SCFD2: variants seen among roughly 807,000 people sequenced by gnomAD.
SCFD2 encodes sec1 family domain-containing protein 2.
A neutral mutation model predicts 58.9 loss-of-function variants in SCFD2; 54 were observed. That is an observed-to-expected ratio of 0.92 (90% CI 0.74 to 1.15). The LOEUF (loss-of-function observed/expected upper bound fraction) is 1.15, where lower values mean the gene tolerates loss of function less well. Among genes scored for constraint, SCFD2 ranks in the 50% most tolerant of loss-of-function variants. SCFD2 has a pLI of 0.00. For synonymous variants in SCFD2, 321 were observed against 335.9 expected, an observed-to-expected ratio of 0.96 and a Z score of 0.49; for missense variants, 805 against 836.6, an observed-to-expected ratio of 0.96 and a Z score of 0.47.
intron 5 of SCFD2, among the ~76,000 whole-genome samples, chr4:53,069,582 A>G (rs776308639): frequency 6.6e-6 from 1 of 152,080 alleles, no homozygotes; most frequent in Non-Finnish European, 1.5e-5. Flanking sequence ...CTGTGGTGGA[A>G]AAAAGAAAGA....
At chr4:52,944,052 G>T (rs1720358495) in intron 5 of SCFD2, among the ~76,000 whole-genome samples, 1 of 152,138 alleles carries the variant, frequency 6.6e-6, no homozygotes, top group Non-Finnish European at 1.5e-5. Flanking sequence ...CAAGGATAAT[G>T]AGCACTAAAA....
At chr4:53,175,744 A>G (rs1429447697) in intron 4 of SCFD2, among the ~76,000 whole-genome samples, 6 of 152,328 alleles carry the variant, frequency 3.9e-5, no homozygotes, top group Non-Finnish European at 8.8e-5. Context: ...ACACTAGCAG[A>G]TAAGACAACT....
intron 5 of SCFD2, among the ~76,000 whole-genome samples, chr4:53,045,520 A>C (rs1723019111): frequency 6.6e-6 from 1 of 152,172 alleles, no homozygotes; most frequent in African/African-American, 2.4e-5. Flanking sequence ...CTATACAAAT[A>C]AATTTATAAA....
intron 5 of SCFD2, among the ~76,000 whole-genome samples, chr4:52,924,229 C>A (rs1482862283): frequency 6.6e-6 from 1 of 152,036 alleles, no homozygotes; most frequent in Non-Finnish European, 1.5e-5. Context: ...GAATCATCTA[C>A]TAGATTATAC....
rs193008086 is a variant in SCFD2, at chr4:53,168,773, C to T, written c.1312-23191G>A. Among the ~76,000 whole-genome samples, 261 of 152,276 alleles carry T rather than the reference C, an allele frequency of 1.7e-3. 1 individual carries two copies. Among genetic ancestry groups the T allele is most frequent in the African/African-American group, 6.0e-3 (248 of 41,568 alleles). On this transcript the variant is annotated intron_variant, in intron 4 of 8. Transcript: ENST00000401642. The stretch of plus-strand genomic sequence containing the variant: ...GGTGAGAACATTTGAAATTTACTCT[C>T]AGTAATTTTGAAATATATAGTATGT...
At chr4:53,215,556 G>C (rs535376515) in intron 4 of SCFD2, among the ~76,000 whole-genome samples, 2 of 152,214 alleles carry the variant, frequency 1.3e-5, no homozygotes, top group East Asian at 3.9e-4. Context: ...CTGAGATGAT[G>C]GGGTTTTCTA....
Position 53,230,599 on chromosome 4 carries a change from G to C in SCFD2, c.1311+43227C>G, listed in dbSNP as rs146661408. Among the ~76,000 whole-genome samples the C allele has an allele frequency of 9.7e-4, 128 of 132,518 alleles. 3 individuals are homozygous for C. The East Asian group carries it at 0.029, about 30-fold the overall frequency. The allele number at this position is 132,518 out of a possible 152,430, so 86.9% of individuals were successfully genotyped here. ...AGAACGCATGGACACAGGAAGGGTA[G>C]CATCACACACTGGGGACTGTTGTGG... On this transcript the variant is annotated intron_variant, in intron 4 of 8. Transcript: ENST00000401642.
intron 5 of SCFD2, among the ~76,000 whole-genome samples, chr4:53,097,817 G>C (rs1320943851): frequency 6.6e-6 from 1 of 152,154 alleles, no homozygotes; most frequent in East Asian, 1.9e-4. Flanking sequence ...AATGCTTCCA[G>C]TTTTTGTCCA....
intron 5 of SCFD2, among the ~76,000 whole-genome samples, chr4:53,040,831 A>G (rs1200280274): frequency 6.6e-6 from 1 of 152,212 alleles, no homozygotes; most frequent in East Asian, 1.9e-4. Flanking sequence ...CTTTATCAAG[A>G]GTGAAAATGA....
intron 4 of SCFD2, among the ~76,000 whole-genome samples, chr4:53,164,728 T>G (rs1416054302): frequency 6.8e-6 from 1 of 146,472 alleles, no homozygotes; most frequent in Non-Finnish European, 1.5e-5. Flanking sequence ...GAGGTGGAGG[T>G]TGCAGTGAGC....
At chr4:53,256,720 T>C (rs1234579098) in intron 4 of SCFD2, among the ~76,000 whole-genome samples, 1 of 151,352 alleles carries the variant, frequency 6.6e-6, no homozygotes, top group Non-Finnish European at 1.5e-5. Context: ...ACCAAAAAAA[T>C]ACGAAAACCA....
At chr4:53,253,332 G>T (rs537112800) in intron 4 of SCFD2, among the ~76,000 whole-genome samples, 2 of 152,156 alleles carry the variant, frequency 1.3e-5, no homozygotes, top group East Asian at 1.9e-4. Flanking sequence ...TCAGTGTGGC[G>T]ATTCCTCAGG....
intron 5 of SCFD2, among the ~76,000 whole-genome samples, chr4:53,095,724 T>C (rs180869976): frequency 7.2e-6 from 1 of 139,350 alleles, no homozygotes; most frequent in Admixed American, 6.8e-5. Context: ...CTCTTGCTCA[T>C]TTTTTTTTTA....
intron 2 of SCFD2, among the ~76,000 whole-genome samples, chr4:53,333,031 C>A (rs1733544771): frequency 1.4e-5 from 2 of 147,406 alleles, no homozygotes; most frequent in Non-Finnish European, 3.0e-5. Flanking sequence ...CCTAGGAATC[C>A]AACTTACAAG....
chr4:53,022,585 T>C (rs1722375364), intron 5 of SCFD2, among the ~76,000 whole-genome samples: 1 of 152,166 alleles, frequency 6.6e-6, no homozygotes, highest in Admixed American at 6.6e-5. Context: ...GTTTAGGCCT[T>C]AGAGTTGGGA....
At chr4:53,319,550 TTAGA>T (rs201803711) in intron 2 of SCFD2, among the ~76,000 whole-genome samples, 106 of 94,432 alleles carry the variant, frequency 1.1e-3, no homozygotes, top group Middle Eastern at 0.012. Context: ...TTTTTTTTTT[TTAGA>T]AGGAGTCTCG....
intron 4 of SCFD2, among the ~76,000 whole-genome samples, chr4:53,166,207 A>C (rs1272476676): frequency 1.3e-5 from 2 of 152,234 alleles, no homozygotes; most frequent in Non-Finnish European, 1.5e-5. Flanking sequence ...TACTTTTCAG[A>C]TATCGTGAAT....
intron 5 of SCFD2, among the ~76,000 whole-genome samples, chr4:52,975,151 A>G (rs932333231): frequency 1.3e-5 from 2 of 152,200 alleles, no homozygotes; most frequent in African/African-American, 2.4e-5. Flanking sequence ...AATGGCAACA[A>G]AAGCCAAAAT....
chr4:52,880,725 C>T (rs1718590703), intron 8 of SCFD2, among the ~76,000 whole-genome samples: 1 of 152,200 alleles, frequency 6.6e-6, no homozygotes, highest in Non-Finnish European at 1.5e-5. Flanking sequence ...GCTACGAAAG[C>T]AGTGGATGGG....
Sources: gnomAD v4.1 joint callset for allele counts (sites outside exome capture counted in the v4.1 genomes callset) on GRCh38, gnomAD v4.1.1 for gene constraint, MANE v1.5 for transcripts, NCBI Gene and HGNC (gene_info 2026-07-23, HGNC 2026-07-21) for gene names.